KIAA1217: variants seen among roughly 807,000 people sequenced by gnomAD.
KIAA1217 encodes KIAA1217.
A neutral mutation model predicts 163.9 loss-of-function variants in KIAA1217; 88 were observed. That is an observed-to-expected ratio of 0.54 (90% CI 0.45 to 0.64). The LOEUF is 0.64. Among genes scored for constraint, KIAA1217 ranks in the 30% least tolerant of loss-of-function variants. KIAA1217 has a pLI of 0.00. For synonymous variants in KIAA1217, 903 were observed against 923.1 expected (o/e 0.98, Z 0.39); for missense variants, 2,372 against 2,475.0 (o/e 0.96, Z 0.88).
At chr10:23,926,654 G>A (rs372670241) in intron 1 of KIAA1217, among the ~76,000 whole-genome samples, 236 of 152,116 alleles carry the variant, frequency 1.6e-3, no homozygotes, top group African/African-American at 5.3e-3. Context: ...GAACCCGGGA[G>A]GCGGAGGTTG....
chr10:23,934,583 A>ATATATG (rs1554826378), intron 1 of KIAA1217, among the ~76,000 whole-genome samples: 1 of 64,078 alleles, frequency 1.6e-5, no homozygotes, highest in Non-Finnish European at 2.5e-5. Flanking sequence ...ATATATATAT[A>ATATATG]TATATATGTA....
At chr10:23,884,409 T>A (rs1363666195) in intron 1 of KIAA1217, among the ~76,000 whole-genome samples, 1 of 151,932 alleles carries the variant, frequency 6.6e-6, no homozygotes, top group Non-Finnish European at 1.5e-5. Flanking sequence ...ACTCTAAAGC[T>A]TGAAAGGATG....
intron 1 of KIAA1217, among the ~76,000 whole-genome samples, chr10:24,005,174 T>A (rs1056758580): frequency 6.6e-6 from 1 of 152,236 alleles, no homozygotes; most frequent in Non-Finnish European, 1.5e-5. Flanking sequence ...TTTAAAAGTG[T>A]TGGCTTATTC....
At chr10:23,940,320 TGTGGTGGCAG>T (rs988967359) in intron 1 of KIAA1217, among the ~76,000 whole-genome samples, 1 of 150,684 alleles carries the variant, frequency 6.6e-6, no homozygotes, top group Non-Finnish European at 1.5e-5. Context: ...ATTAGCCAGG[TGTGGTGGCAG>T]GTGCCTGTAA....
At chr10:23,770,289 G>A (rs1162267872) in intron 1 of KIAA1217, among the ~76,000 whole-genome samples, 1 of 152,178 alleles carries the variant, frequency 6.6e-6, no homozygotes, top group Non-Finnish European at 1.5e-5. Context: ...GTCCTAAAAT[G>A]TGCAAGCCCC....
At chr10:24,059,504 C>T (rs1213187394) in intron 2 of KIAA1217, among the ~76,000 whole-genome samples, 1 of 151,974 alleles carries the variant, frequency 6.6e-6, no homozygotes, top group African/African-American at 2.4e-5. Flanking sequence ...CCATCTGGTC[C>T]TGAGCTTTTG....
intron 1 of KIAA1217, among the ~76,000 whole-genome samples, chr10:23,790,515 GTATATA>G (rs1242335464): frequency 9.9e-6 from 1 of 101,022 alleles, no homozygotes; most frequent in Non-Finnish European, 1.9e-5. Context: ...ATATACATAT[GTATATA>G]TACATATATA....
chr10:24,390,033 A>T (rs58356700), intron 3 of KIAA1217, among the ~76,000 whole-genome samples: 1 of 151,906 alleles, frequency 6.6e-6, no homozygotes, highest in Non-Finnish European at 1.5e-5. Flanking sequence ...CTCTTTACCA[A>T]ACCAGGTCTA....
At chr10:23,996,340 C>T (rs1221691433) in intron 1 of KIAA1217, among the ~76,000 whole-genome samples, 1 of 152,128 alleles carries the variant, frequency 6.6e-6, no homozygotes, top group East Asian at 1.9e-4. Flanking sequence ...CATTTGGGGA[C>T]CATAACCGCA....
At chr10:24,026,155 G>T (rs1847930899) in intron 2 of KIAA1217, among the ~76,000 whole-genome samples, 1 of 151,712 alleles carries the variant, frequency 6.6e-6, no homozygotes, top group Non-Finnish European at 1.5e-5. Flanking sequence ...TTTATATAGT[G>T]CCAGTTTCAA....
chr10:23,781,571 C>G (rs2130903574), intron 1 of KIAA1217, among the ~76,000 whole-genome samples: 1 of 152,276 alleles, frequency 6.6e-6, no homozygotes, highest in East Asian at 1.9e-4. Flanking sequence ...CTTTGCTGTG[C>G]AGAAGTTTTT....
At chr10:23,916,178 A>T (rs969166019) in intron 1 of KIAA1217, among the ~76,000 whole-genome samples, 3 of 152,182 alleles carry the variant, frequency 2.0e-5, no homozygotes, top group African/African-American at 7.2e-5. Flanking sequence ...AGCCTTCTAG[A>T]TTGACTGATG....
At chr10:23,774,587 G>T (rs995547543) in intron 1 of KIAA1217, among the ~76,000 whole-genome samples, 1 of 152,178 alleles carries the variant, frequency 6.6e-6, no homozygotes, top group Non-Finnish European at 1.5e-5. Flanking sequence ...GTAGATGTGA[G>T]CATCTCCAGG....
chr10:23,830,052 A>G (rs1158359573), intron 1 of KIAA1217, among the ~76,000 whole-genome samples: 2 of 152,102 alleles, frequency 1.3e-5, no homozygotes, highest in African/African-American at 4.8e-5. Context: ...TGCCAACAAC[A>G]TTTTCTCTAC....
At chr10:23,797,611 A>G (rs1836268247) in intron 1 of KIAA1217, among the ~76,000 whole-genome samples, 1 of 152,140 alleles carries the variant, frequency 6.6e-6, no homozygotes, top group Non-Finnish European at 1.5e-5. Context: ...GAAGGTGAAG[A>G]GGAAGCAAGC....
chr10:24,067,198 C>T (rs2060985830), intron 2 of KIAA1217, among the ~76,000 whole-genome samples: 1 of 152,190 alleles, frequency 6.6e-6, no homozygotes, highest in Admixed American at 6.5e-5. Context: ...AGCTGCGTTC[C>T]TTTGGAGGAG....
At chr10:24,125,890 T>C (rs2063456331) in intron 2 of KIAA1217, among the ~76,000 whole-genome samples, 2 of 152,202 alleles carry the variant, frequency 1.3e-5, no homozygotes, top group Admixed American at 1.3e-4. Flanking sequence ...CATTTATTTT[T>C]GCTTTTGCAG....
At chr10:24,258,398 T>C (rs1475413899) in intron 2 of KIAA1217, among the ~76,000 whole-genome samples, 4 of 151,816 alleles carry the variant, frequency 2.6e-5, no homozygotes, top group East Asian at 3.9e-4. Context: ...AGGCTAATAG[T>C]TGGAGGAAGT....
At chr10:23,979,660 G>C (rs1486920835) in intron 1 of KIAA1217, among the ~76,000 whole-genome samples, 1 of 152,120 alleles carries the variant, frequency 6.6e-6, no homozygotes, top group Non-Finnish European at 1.5e-5. Context: ...CACAGGTGAG[G>C]TGTGCTTGTC....
Sources: gnomAD v4.1 joint callset for allele counts (sites outside exome capture counted in the v4.1 genomes callset) on GRCh38, gnomAD v4.1.1 for gene constraint, MANE v1.5 for transcripts, NCBI Gene and HGNC (gene_info 2026-07-23, HGNC 2026-07-21) for gene names.